Variants in NEK1 observed in about 807,000 individuals in gnomAD.
NEK1 encodes NIMA related kinase 1.
In NEK1, 137 loss-of-function variants were observed where a neutral mutation model predicts 182.1. That is an observed-to-expected ratio of 0.75 (90% confidence interval 0.65 to 0.87). NEK1 has a LOEUF of 0.87. NEK1 is among the 40% of genes least tolerant of loss of function. The pLI, the probability that NEK1 is intolerant of heterozygous loss-of-function variation, is 0.00. For missense variants in NEK1, 1,391 were observed against 1,494.4 expected, an observed-to-expected ratio of 0.93 and a Z score of 1.14; for synonymous variants, 513 against 492.2, an observed-to-expected ratio of 1.04 and a Z score of -0.56.
chr4:169,413,502 T>G (rs764717910), intron 31 of NEK1, among the ~76,000 whole-genome samples: 1 of 152,178 alleles, frequency 6.6e-6, no homozygotes, highest in African/African-American at 2.4e-5. Flanking sequence ...AGTTTTCATA[T>G]AAGATGGCAA....
intron 34 of NEK1, 41 bp from the exon 35 acceptor site, chr4:169,400,398 T>C (rs1731455410): frequency 6.9e-7 from 1 of 1,440,802 alleles, no homozygotes; most frequent in South Asian, 1.5e-5. Context: ...TTTGAATAAC[T>C]TTCTGTAATT....
At chr4:169,485,336 G>A (rs1748845825) in intron 23 of NEK1, among the ~76,000 whole-genome samples, 1 of 152,242 alleles carries the variant, frequency 6.6e-6, no homozygotes, top group Admixed American at 6.5e-5. Context: ...ATTTATGGGT[G>A]GTTCAGGATG....
chr4:169,471,483 T>A (rs1306409726), intron 26 of NEK1, among the ~76,000 whole-genome samples: 1 of 152,192 alleles, frequency 6.6e-6, no homozygotes, highest in Non-Finnish European at 1.5e-5. Context: ...TGCTGCCTGA[T>A]CCTTCCTCTG....
At chr4:169,477,929 A>C (rs1411602222) in intron 24 of NEK1, among the ~76,000 whole-genome samples, 1 of 152,064 alleles carries the variant, frequency 6.6e-6, no homozygotes, top group African/African-American at 2.4e-5. Flanking sequence ...TGTTATTCTA[A>C]AACTGTCTTT....
intron 23 of NEK1, among the ~76,000 whole-genome samples, chr4:169,498,292 G>C (rs1333768723): frequency 2.0e-5 from 3 of 152,118 alleles, no homozygotes; most frequent in Non-Finnish European, 4.4e-5. Context: ...TTGAGCCTAT[G>C]TGTGTCTCTG....
chr4:169,492,816 G>T (rs888611726), intron 23 of NEK1, among the ~76,000 whole-genome samples: 3 of 152,148 alleles, frequency 2.0e-5, no homozygotes, highest in Admixed American at 2.0e-4. Context: ...GGCACAAACT[G>T]CCCCTCAAGG....
At chr4:169,572,296 A>C (rs577068603) in intron 12 of NEK1, among the ~76,000 whole-genome samples, 58 of 152,354 alleles carry the variant, frequency 3.8e-4, no homozygotes, top group African/African-American at 1.3e-3. Flanking sequence ...TTGAAGTCAC[A>C]ATTGACAGGA....
chr4:169,579,935 T>C (rs1766333047), intron 11 of NEK1, among the ~76,000 whole-genome samples: 1 of 152,174 alleles, frequency 6.6e-6, no homozygotes, highest in Admixed American at 6.5e-5. Context: ...ATAATTACGT[T>C]TGAAAAACAA....
chr4:169,394,326 T>C lies in NEK1; in HGVS notation c.*184A>G. On this transcript the variant is annotated 3_prime_UTR_variant, in exon 36 of 36. Transcript: ENST00000507142. The stretch of plus-strand genomic sequence containing the variant: ...CATGGAATTCAATGAACAAAATAGA[T>C]AAAATATTAGAATCTTCACTGAAAA... 1 of 484,930 alleles carries C rather than the reference T, an allele frequency of 2.1e-6. No homozygotes were observed. The highest frequency in any genetic ancestry group is 3.7e-6 in the Non-Finnish European group (1 of 270,192). The allele number at this position is 484,930 out of a possible 1,614,324, so 30.0% of individuals were successfully genotyped here.
intron 4 of NEK1, among the ~76,000 whole-genome samples, chr4:169,601,000 T>C (rs181701362): frequency 5.3e-4 from 80 of 152,148 alleles, no homozygotes; most frequent in Middle Eastern, 6.8e-3. Context: ...AAAAAGAAAC[T>C]AAAGGATAGA....
chr4:169,396,612 A>G (rs146525275), intron 35 of NEK1, among the ~76,000 whole-genome samples: 5 of 152,250 alleles, frequency 3.3e-5, no homozygotes, highest in African/African-American at 1.2e-4. Flanking sequence ...AACTTTATCA[A>G]CGGCTGAAGA....
rs1313271072 is a variant in NEK1, at chr4:169,599,112, A to C, written c.300T>G (p.Phe100Leu). 6.2e-7 allele frequency: 1 copy of C among 1,613,158 alleles called. No homozygotes were observed. The highest frequency in any genetic ancestry group is 1.7e-5 in the Admixed American group (1 of 60,012). ...KRINAQKGVL[F>L]QEDQILDWFV... is the part of the protein sequence containing the mutation. ...AATGCAAACTTACCTGATCCTCTTGAAACAAAACGCCTTTCTGAGCATTTA... is the reference window on the plus strand; with the variant it reads ...AATGCAAACTTACCTGATCCTCTTGCAACAAAACGCCTTTCTGAGCATTTA... Residue 100 changes from phenylalanine (F) to leucine (L), a missense_variant, in exon 5 of 36, where the codon TTT (phenylalanine) becomes TTG (leucine). By Grantham distance (22) the Phe-to-Leu change is conservative (BLOSUM62 0). This residue lies in a region of NEK1 where 116 missense variants were observed against 114.5 expected (regional missense o/e 1.01). Transcript: ENST00000507142.
At position 169,561,843 on chromosome 4, in the gene NEK1, G is replaced by A. The variant is rs1482234746; in HGVS notation, c.1129C>T (p.Gln377Ter). ...RLEFIEKEKK[Q>*]KDQIISLMKA... is the part of the protein sequence containing the mutation. Reference sequence around the variant, plus strand: ...GAGCAAAAAACTACCTGATCCTTTTGTTTCTTTTCTTTTTCAATAAATTCC... The same window carrying A: ...GAGCAAAAAACTACCTGATCCTTTTATTTCTTTTCTTTTTCAATAAATTCC... Residue 377 changes from glutamine to a stop codon, truncating the protein, a stop_gained, in exon 14 of 36, where the codon CAA becomes TAA. Transcript: ENST00000507142. LOFTEE classifies it high-confidence loss of function. 1.2e-6 allele frequency: 2 copies of A among 1,609,478 alleles called. No individual in the cohort carries two copies. Among genetic ancestry groups the A allele is most frequent in the African/African-American group, 2.7e-5 (2 of 74,684 alleles).
intron 27 of NEK1, among the ~76,000 whole-genome samples, chr4:169,447,753 A>T (rs1389349487): frequency 6.6e-6 from 1 of 152,062 alleles, no homozygotes; most frequent in Non-Finnish European, 1.5e-5. Context: ...CCTGTGATCC[A>T]GACTAGTCGG....
chr4:169,421,677 T>C (rs1435000578), intron 31 of NEK1, among the ~76,000 whole-genome samples: 1 of 152,172 alleles, frequency 6.6e-6, no homozygotes, highest in African/African-American at 2.4e-5. Flanking sequence ...AGGACCATGA[T>C]GGTTAAGTTT....
rs1486270844 is a variant in NEK1 at position 169,587,553 on chromosome 4, A to G, written c.606+6T>C. On this transcript the variant is annotated splice_donor_region_variant and intron_variant, in intron 9 of 35. Coordinates refer to ENST00000507142, the MANE Select transcript of NEK1 (RefSeq NM_001199397.3). The stretch of plus-strand genomic sequence containing the variant: ...CTTTGAAAGTATTTCAGAAACTTCT[A>G]CTTACAGCATGTTTAAGTGTACACA... 6.9e-7 allele frequency: 1 copy of G among 1,456,686 alleles called. No homozygotes were observed. Among genetic ancestry groups the G allele is most frequent in the Non-Finnish European group, 9.3e-7 (1 of 1,080,296 alleles). 90.2% of individuals were successfully genotyped at this position (1,456,686 alleles called of 1,614,324 possible). A position where few individuals can be genotyped will look rare whatever the true frequency, so the allele number is the denominator to read the frequency against.
intron 31 of NEK1, among the ~76,000 whole-genome samples, chr4:169,420,715 A>G (rs1300834351): frequency 6.6e-6 from 1 of 152,178 alleles, no homozygotes; most frequent in African/African-American, 2.4e-5. Context: ...ATGCTAAGCT[A>G]AAGATGTACC....
chr4:169,437,362 G>A (rs1272494732), intron 28 of NEK1, among the ~76,000 whole-genome samples: 1 of 152,180 alleles, frequency 6.6e-6, no homozygotes, highest in Non-Finnish European at 1.5e-5. Flanking sequence ...GAGGCTTTCA[G>A]AAGGTGTGAG....
At chr4:169,521,495 C>T (rs371309614) in intron 19 of NEK1, among the ~76,000 whole-genome samples, 3 of 152,128 alleles carry the variant, frequency 2.0e-5, no homozygotes, top group South Asian at 4.2e-4. Flanking sequence ...AGCTGTAGAC[C>T]GGAGCTGTTC....
Sources: gnomAD v4.1 joint callset for allele counts (sites outside exome capture counted in the v4.1 genomes callset) on GRCh38, gnomAD v4.1.1 for gene constraint, gnomAD v4.1.1 regional missense constraint, MANE v1.5 for transcripts, NCBI Gene and HGNC (gene_info 2026-07-23, HGNC 2026-07-21) for gene names.